Variants in CROCC2 observed in about 807,000 individuals in gnomAD.
CROCC2 encodes the protein ciliary rootlet coiled-coil protein 2.
A neutral mutation model predicts 177.6 loss-of-function variants in CROCC2; 163 were observed. That is an observed-to-expected ratio of 0.92 (90% confidence interval 0.81 to 1.05). The LOEUF (loss-of-function observed/expected upper bound fraction) is 1.05. Ranked by LOEUF, CROCC2 falls within the 50% of genes least tolerant of loss-of-function variation. The probability of loss-of-function intolerance (pLI) is 0.00; values close to 1 mark genes in which losing one functional copy is unlikely to be tolerated. For missense variants in CROCC2, 1,929 were observed against 1,797.8 expected (o/e 1.07, Z -1.32); for synonymous variants, 904 against 787.3 (o/e 1.15, Z -2.48).
At chr2:240,968,580 G>A (rs2059700839) in intron 27 of CROCC2, among the ~76,000 whole-genome samples, 1 of 152,236 alleles carries the variant, frequency 6.6e-6, no homozygotes, top group Non-Finnish European at 1.5e-5. Context: ...GTGGGGGGCA[G>A]AGCCCCAAGT....
At chr2:240,928,616 T>A (rs1017196543) in intron 5 of CROCC2, among the ~76,000 whole-genome samples, 11 of 152,200 alleles carry the variant, frequency 7.2e-5, no homozygotes, top group African/African-American at 2.7e-4. Context: ...CACACCTCCA[T>A]GTTGCCAAGA....
At position 240,932,814 on chromosome 2, in the gene CROCC2, G is replaced by C. The variant is rs770202737; in HGVS notation, c.1157G>C (p.Gly386Ala). The change falls in exon 9 of 32, where the codon GGG becomes GCG. Residue 386 changes from glycine (G) to alanine (A), a missense_variant. Transcript: ENST00000690015. ...SPQRATSPHQ[G>A]ASPPHICSPA... ...CAACGTGCCACATCCCCCCATCAAG[G>C]GGCGTCCCCACCACACATCTGCTCC... 52 of 1,535,348 alleles carry C rather than the reference G, an allele frequency of 3.4e-5. No homozygotes were observed. Among genetic ancestry groups the C allele is most frequent in the Non-Finnish European group, 4.3e-5 (49 of 1,135,946 alleles).
At position 240,978,341 on chromosome 2, in the gene CROCC2, C is replaced by A. The variant is rs1187219798; in HGVS notation, c.4402-4539C>A. On this transcript the variant is annotated intron_variant, in intron 27 of 31. Coordinates refer to ENST00000690015, the MANE Select transcript of CROCC2 (RefSeq NM_001351305.2). ...GGGGTAGGAGCCTCTGGAGCCCAGG[C>A]TCATCCCTGCTCAGTCTCTGGGGTA... 4.5e-5 allele frequency among the ~76,000 whole-genome samples: 2 copies of A among 44,764 alleles called. 1 individual carries two copies. Among genetic ancestry groups the A allele is most frequent in the Non-Finnish European group, 7.1e-5 (2 of 28,360 alleles). 29.4% of individuals were successfully genotyped at this position (44,764 alleles called of 152,430 possible).
At chr2:240,991,166 A>C in intron 30 of CROCC2, 30 bp from the exon 31 acceptor site, 2 of 1,509,390 alleles carry the variant, frequency 1.3e-6, no homozygotes, top group Non-Finnish European at 1.8e-6. Flanking sequence ...CAGCCTGCCC[A>C]CCTGACCTGA....
At chr2:240,930,357 C>G (rs868038833) in intron 6 of CROCC2, 88 bp downstream of exon 6, 3 of 451,254 alleles carry the variant, frequency 6.6e-6, no homozygotes, top group African/African-American at 4.1e-5. Flanking sequence ...GTGCCCAGGG[C>G]GGGCTCTCCC....
chr2:240,927,512 G>A (rs527361914), intron 5 of CROCC2, among the ~76,000 whole-genome samples: 33 of 152,128 alleles, frequency 2.2e-4, no homozygotes, highest in Admixed American at 4.6e-4. Flanking sequence ...TTCCTTTCCA[G>A]TCCATCAGTT....
chr2:240,951,413 G>T (rs574363755), intron 18 of CROCC2, among the ~76,000 whole-genome samples: 1 of 151,162 alleles, frequency 6.6e-6, no homozygotes, highest in Admixed American at 6.6e-5. Flanking sequence ...TCATCCATCT[G>T]TCCATCATCT....
chr2:240,930,826 C>T, intron 6 of CROCC2, 105 bp from the exon 7 acceptor site: 2 of 602,496 alleles, frequency 3.3e-6, no homozygotes, highest in Non-Finnish European at 6.0e-6. Flanking sequence ...GGGGGCTTCT[C>T]CTGACGATGG....
At chr2:240,964,650 A>C (rs1448355637) in intron 22 of CROCC2, 25 bp downstream of exon 22, 1 of 1,543,640 alleles carries the variant, frequency 6.5e-7, no homozygotes, top group East Asian at 2.5e-5. Flanking sequence ...AGGGGTCAAC[A>C]TCCAACCAGG....
chr2:240,981,953 C>T (rs2059803572), intron 27 of CROCC2: 1 of 152,080 alleles, frequency 6.6e-6, no homozygotes, highest in Non-Finnish European at 1.5e-5. Flanking sequence ...GCTGCCAGCT[C>T]TGGGGCTCAG....
intron 20 of CROCC2, among the ~76,000 whole-genome samples, chr2:240,962,074 T>TCACACA (rs36166235): frequency 9.2e-6 from 1 of 108,888 alleles, no homozygotes; most frequent in Admixed American, 9.3e-5. Context: ...TCACACGCAC[T>TCACACA]CACACTCACA....
intron 31 of CROCC2, among the ~76,000 whole-genome samples, chr2:240,992,051 C>T (rs886726427): frequency 2.6e-5 from 4 of 152,190 alleles, no homozygotes; most frequent in Non-Finnish European, 5.9e-5. Context: ...CCCATGTTCC[C>T]GGCCTGGAAA....
At chr2:240,934,659 G>T (rs12620108) in intron 12 of CROCC2, among the ~76,000 whole-genome samples, 184 bp downstream of exon 12, 1 of 152,064 alleles carries the variant, frequency 6.6e-6, no homozygotes, top group Admixed American at 6.5e-5. Context: ...TGGCCCAGCT[G>T]CTGTCAACCC....
At chr2:240,991,841 T>G (rs1477246098) in intron 31 of CROCC2, among the ~76,000 whole-genome samples, 4 of 152,184 alleles carry the variant, frequency 2.6e-5, no homozygotes, top group African/African-American at 9.7e-5. Context: ...TGGGAAACAT[T>G]TCCACCAACC....
At position 240,933,253 on chromosome 2, in the gene CROCC2, G is replaced by A. The variant is rs1011574578; in HGVS notation, c.1374G>A (p.Gln458=). The change falls in exon 10 of 32, where the codon CAG becomes CAA. Residue 458 remains glutamine, a synonymous_variant. Transcript: ENST00000690015. The part of the protein sequence containing the change: ...QKLQQERARE[Q]AREREALRGQ... ...TCCAGCAGGAGCGGGCTCGGGAGCA[G>A]GCACGGGAACGAGAGGCTCTTCGGG... 6 of 1,548,874 alleles carry A rather than the reference G, an allele frequency of 3.9e-6. No individual in the cohort carries two copies. Among genetic ancestry groups the A allele is most frequent in the Non-Finnish European group, 5.2e-6 (6 of 1,146,652 alleles).
chr2:240,967,639 A>G (rs2059692067), intron 26 of CROCC2, 174 bp downstream of exon 26: 3 of 946,980 alleles, frequency 3.2e-6, no homozygotes, highest in Non-Finnish European at 3.8e-6. Context: ...AGCGCTTGGC[A>G]TCGGAGTTCT....
rs1416915535 is a variant in CROCC2 at position 240,934,323 on chromosome 2, G to T, written c.1647-8G>T. On this transcript the variant is annotated splice_polypyrimidine_tract_variant and splice_region_variant and intron_variant, in intron 11 of 31. Transcript: ENST00000690015. The stretch of plus-strand genomic sequence containing the variant: ...AGCGACCTCCCGCCCTCTGGTCTGG[G>T]GCCTCAGTCAAGGCCGCCTGCAGCA... 6.5e-7 allele frequency: 1 copy of T among 1,548,260 alleles called. No homozygotes were observed. The highest frequency in any genetic ancestry group is 8.7e-7 in the Non-Finnish European group (1 of 1,146,758).
chr2:240,950,616 C>CT, intron 18 of CROCC2, 106 bp downstream of exon 18: 2 of 1,132,886 alleles, frequency 1.8e-6, no homozygotes, highest in Non-Finnish European at 2.5e-6. Context: ...CAGGTCCAAC[C>CT]GCCTACCCAC....
At chr2:240,925,143 A>C (rs1279566420) in intron 4 of CROCC2, among the ~76,000 whole-genome samples, 2 of 152,208 alleles carry the variant, frequency 1.3e-5, no homozygotes, top group Non-Finnish European at 2.9e-5. Flanking sequence ...AAAAGGAATC[A>C]AAGTGCTGAG....
Sources: allele counts gnomAD v4.1 joint callset (sites outside exome capture counted in the v4.1 genomes callset), GRCh38; gene constraint gnomAD v4.1.1; transcripts MANE v1.5; gene names NCBI Gene and HGNC (gene_info 2026-07-23, HGNC 2026-07-21).